Variants in PLLP observed in about 807,000 individuals in gnomAD.
The protein encoded by PLLP is plasmolipin.
Under a neutral mutation model 19.7 loss-of-function variants are expected in PLLP, and 15 were observed. That is an observed-to-expected ratio of 0.76 (90% CI 0.51 to 1.17). PLLP has a LOEUF of 1.17. Among genes scored for constraint, PLLP ranks in the 50% most tolerant of loss-of-function variants. PLLP has a pLI of 0.00. For missense variants in PLLP, 255 were observed against 258.3 expected (o/e 0.99, Z 0.09); for synonymous variants, 111 against 116.3 (o/e 0.95, Z 0.29).
chr16:57,256,988 G>C lies in PLLP; in HGVS notation c.474C>G (p.Ala158=). 10 of 1,614,030 alleles carry C rather than the reference G, an allele frequency of 6.2e-6. No individual in the cohort carries two copies. Among genetic ancestry groups the C allele is most frequent in the Non-Finnish European group, 7.6e-6 (9 of 1,179,928 alleles). ...CTCGCCAGGCCTGGTAGCTGAAGAAGGCACTCACTCCATAGGCGATCATCA... is the reference window on the plus strand; with the variant it reads ...CTCGCCAGGCCTGGTAGCTGAAGAACGCACTCACTCCATAGGCGATCATCA... ...CLVMIAYGVS[A]FFSYQAWRGV... Residue 158 remains alanine (A), a synonymous_variant, in exon 4 of 4, where the codon GCC becomes GCG. Coordinates refer to ENST00000219207, the MANE Select transcript of PLLP (RefSeq NM_015993.3).
At chr16:57,263,822 A>G (rs2075449112) in intron 1 of PLLP, among the ~76,000 whole-genome samples, 1 of 152,146 alleles carries the variant, frequency 6.6e-6, no homozygotes, top group African/African-American at 2.4e-5. Flanking sequence ...ACGAGGGTCT[A>G]GCTTTGGAGA....
chr16:57,262,163 T>C lies in PLLP; in HGVS notation c.136-93A>G, dbSNP rs139469352. 3.8e-4 allele frequency: 480 copies of C among 1,271,778 alleles called. 2 individuals carry two copies. In the East Asian group the frequency reaches 7.2e-3, roughly 19 times the overall value. The allele number at this position is 1,271,778 out of a possible 1,614,324, so 78.8% of individuals were successfully genotyped here. ...CTGGCCAGGCACAGTGGCTCATGCC[T>C]GTAATGTCAGCACTTTGGGAGCCCA... is the stretch of plus-strand genomic sequence containing the variant. On this transcript the variant is annotated intron_variant, in intron 1 of 3. Coordinates refer to ENST00000219207, the MANE Select transcript of PLLP (RefSeq NM_015993.3).
intron 1 of PLLP, among the ~76,000 whole-genome samples, chr16:57,283,831 C>G (rs1597967708): frequency 6.6e-6 from 1 of 152,220 alleles, no homozygotes; most frequent in Admixed American, 6.5e-5. Flanking sequence ...CGGGCGCCCA[C>G]AGGGTAGTGC....
chr16:57,279,327 T>TG (rs1178818908), intron 1 of PLLP, among the ~76,000 whole-genome samples: 3 of 151,344 alleles, frequency 2.0e-5, no homozygotes, highest in African/African-American at 7.3e-5. Flanking sequence ...CCATGGATCA[T>TG]GGAGATCTAG....
At chr16:57,281,623 G>A (rs958108439) in intron 1 of PLLP, among the ~76,000 whole-genome samples, 7 of 148,348 alleles carry the variant, frequency 4.7e-5, no homozygotes, top group African/African-American at 1.0e-4. Context: ...CCATTCTCCC[G>A]CCTCAGCCTC....
At chr16:57,264,780 T>C (rs1198981524) in intron 1 of PLLP, among the ~76,000 whole-genome samples, 1 of 152,112 alleles carries the variant, frequency 6.6e-6, no homozygotes, top group African/African-American at 2.4e-5. Flanking sequence ...ACCTGGGAGG[T>C]TGAGGCTACA....
intron 1 of PLLP, among the ~76,000 whole-genome samples, chr16:57,275,485 A>G (rs1721575169): frequency 6.6e-6 from 1 of 152,108 alleles, no homozygotes; most frequent in South Asian, 2.1e-4. Flanking sequence ...TACAACAAAT[A>G]TGTAACAATG....
chr16:57,261,592 G>A (rs535912099), intron 2 of PLLP, among the ~76,000 whole-genome samples: 7 of 152,210 alleles, frequency 4.6e-5, no homozygotes, highest in African/African-American at 1.7e-4. Context: ...ATGGTGGCAC[G>A]TGCCTGTAGT....
Position 57,284,490 on chromosome 16 carries a change from C to A in PLLP, c.51G>T (p.Gln17His). 7.0e-7 allele frequency: 1 copy of A among 1,428,074 alleles called. No individual in the cohort carries two copies. 88.5% of individuals were successfully genotyped at this position (1,428,074 alleles called of 1,614,324 possible). ...GCGCCGACACCGAGGCTTCGGCGCC[C>A]TGCGCAGGACTGCTGGTCCGCGTGC... Reference protein sequence around the residue: ...KVSTRTSSPAQGAEASVSALR... With the variant: ...KVSTRTSSPAHGAEASVSALR... Residue 17 changes from glutamine (Q) to histidine (H), a missense_variant, in exon 1 of 4, where the codon CAG becomes CAT. Transcript: ENST00000219207.
intron 2 of PLLP, 119 bp from the exon 3 acceptor site, chr16:57,258,703 C>A (rs1441021510): frequency 3.8e-5 from 38 of 1,006,570 alleles, no homozygotes; most frequent in Middle Eastern, 6.3e-4. Flanking sequence ...GGAAGGATCG[C>A]TTGAGCCCAG....
chr16:57,275,441 A>T (rs921251120), intron 1 of PLLP, among the ~76,000 whole-genome samples: 1 of 152,218 alleles, frequency 6.6e-6, no homozygotes, highest in Non-Finnish European at 1.5e-5. Flanking sequence ...AACCTGTATT[A>T]TCTGTCACAA....
intron 1 of PLLP, among the ~76,000 whole-genome samples, chr16:57,283,033 G>T (rs934272062): frequency 6.6e-6 from 1 of 152,064 alleles, no homozygotes; most frequent in Non-Finnish European, 1.5e-5. Context: ...CTCCCCATCT[G>T]CAGAATTAAA....
intron 1 of PLLP, among the ~76,000 whole-genome samples, chr16:57,270,559 G>A (rs965780785): frequency 3.3e-5 from 5 of 151,822 alleles, no homozygotes; most frequent in Non-Finnish European, 7.4e-5. Flanking sequence ...GGCCAGGCTC[G>A]GTCCCCACCC....
chr16:57,257,135 C>G (rs1229754326), intron 3 of PLLP, 106 bp from the exon 4 acceptor site: 1 of 752,976 alleles, frequency 1.3e-6, no homozygotes, highest in East Asian at 2.5e-5. Context: ...CGCACCATCT[C>G]ACACTTAGCC....
chr16:57,262,158 A>G (rs547676994), intron 1 of PLLP, 88 bp from the exon 2 acceptor site: 1 of 1,292,438 alleles, frequency 7.7e-7, no homozygotes, highest in East Asian at 2.4e-5. Context: ...ACAGTGGCTC[A>G]TGCCTGTAAT....
At chr16:57,282,039 T>G (rs1440944101) in intron 1 of PLLP, among the ~76,000 whole-genome samples, 1 of 152,068 alleles carries the variant, frequency 6.6e-6, no homozygotes, top group Non-Finnish European at 1.5e-5. Context: ...GGGACCCAGA[T>G]GCGCAGGGCT....
intron 1 of PLLP, among the ~76,000 whole-genome samples, chr16:57,266,747 C>T (rs1171161550): frequency 1.3e-5 from 2 of 152,054 alleles, no homozygotes; most frequent in East Asian, 1.9e-4. Context: ...CCTACACACA[C>T]AGGCAAACCA....
intron 1 of PLLP, among the ~76,000 whole-genome samples, chr16:57,271,606 T>C (rs897470271): frequency 2.6e-5 from 4 of 151,564 alleles, no homozygotes; most frequent in Non-Finnish European, 4.4e-5. Flanking sequence ...GATGGCACCA[T>C]TGCACTCCAG....
At chr16:57,274,449 G>GTTTTGTTTTTGT (rs1233606969) in intron 1 of PLLP, among the ~76,000 whole-genome samples, 1 of 152,056 alleles carries the variant, frequency 6.6e-6, no homozygotes, top group East Asian at 1.9e-4. Flanking sequence ...CAAGAGTGTG[G>GTTTTGTTTTTGT]TTTTGTTTTT....
Sources: allele counts gnomAD v4.1 joint callset (sites outside exome capture counted in the v4.1 genomes callset), GRCh38; gene constraint gnomAD v4.1.1; transcripts MANE v1.5; gene names NCBI Gene and HGNC (gene_info 2026-07-23, HGNC 2026-07-21).